FOXP1: variants seen among roughly 807,000 people sequenced by gnomAD.
FOXP1 encodes the protein forkhead box P1.
In FOXP1, 15 loss-of-function variants were observed where a neutral mutation model predicts 98.2. The ratio of observed to expected loss-of-function variants is 0.15; its 90% CI spans 0.10 to 0.24. The LOEUF (loss-of-function observed/expected upper bound fraction) is 0.24, where lower values mean the gene tolerates loss of function less well. Ranked by LOEUF, FOXP1 falls within the 10% of genes least tolerant of loss-of-function variation. The probability of loss-of-function intolerance (pLI) is 1.00; values close to 1 mark genes in which losing one functional copy is unlikely to be tolerated. For synonymous variants in FOXP1, 371 were observed against 314.5 expected (o/e 1.18, Z -1.90); for missense variants, 633 against 848.5 (o/e 0.75, Z 3.15).
intron 3 of FOXP1, among the ~76,000 whole-genome samples, chr3:71,471,846 G>A (rs1287380840): frequency 1.3e-5 from 2 of 152,122 alleles, no homozygotes; most frequent in African/African-American, 4.8e-5. Context: ...TCCATGTTCT[G>A]ATGATTCAAA....
chr3:71,054,634 A>T (rs189874456), intron 7 of FOXP1, among the ~76,000 whole-genome samples: 31 of 152,356 alleles, frequency 2.0e-4, no homozygotes, highest in African/African-American at 5.5e-4. Flanking sequence ...AATGTAATTT[A>T]GCTATTCAAA....
At position 71,016,606 on chromosome 3, in the gene FOXP1, C is replaced by G. The variant is rs189428333; in HGVS notation, c.870-953G>C. Reference sequence around the variant, plus strand: ...AAGGGCTATTTTGCAACTTACTCGACTGTCTCTGCCTGACTTTGAACTTCA... The same window carrying G: ...AAGGGCTATTTTGCAACTTACTCGAGTGTCTCTGCCTGACTTTGAACTTCA... On this transcript the variant is annotated intron_variant, in intron 11 of 20. Transcript: ENST00000649528. 5.9e-5 allele frequency among the ~76,000 whole-genome samples: 9 copies of G among 151,840 alleles called. No individual in the cohort carries two copies. The East Asian group carries it at 1.5e-3, about 26-fold the overall frequency.
At chr3:71,178,486 A>C (rs1306890571) in intron 6 of FOXP1, among the ~76,000 whole-genome samples, 1 of 152,148 alleles carries the variant, frequency 6.6e-6, no homozygotes, top group Non-Finnish European at 1.5e-5. Context: ...TGGCTCACTC[A>C]TGCCTGTAAT....
At chr3:71,052,136 G>A (rs1421654279) in intron 9 of FOXP1, among the ~76,000 whole-genome samples, 2 of 151,830 alleles carry the variant, frequency 1.3e-5, no homozygotes, top group African/African-American at 4.8e-5. Flanking sequence ...AATGGAAAAG[G>A]CCATCACCAC....
Position 71,276,683 on chromosome 3 carries a change from A to C in FOXP1, c.-12+23137T>G, listed in dbSNP as rs78652220. 6.6e-4 allele frequency among the ~76,000 whole-genome samples: 100 copies of C among 152,332 alleles called. 1 individual carries two copies. The East Asian group carries it at 0.018, about 27-fold the overall frequency. On this transcript the variant is annotated intron_variant, in intron 5 of 20. Coordinates refer to ENST00000649528, the MANE Select transcript of FOXP1 (RefSeq NM_001349338.3). ...GCATAGATACAGTGTTTCAGTACAC[A>C]TAATGCACAGTGACCACGTAAGAGC...
At chr3:71,095,239 A>C (rs1322727612) in intron 7 of FOXP1, among the ~76,000 whole-genome samples, 1 of 152,218 alleles carries the variant, frequency 6.6e-6, no homozygotes. Flanking sequence ...TCCAATTGGT[A>C]AATTGTGTTA....
chr3:71,050,339 C>A (rs1278501963), intron 9 of FOXP1, among the ~76,000 whole-genome samples: 2 of 152,126 alleles, frequency 1.3e-5, no homozygotes, highest in Non-Finnish European at 2.9e-5. Flanking sequence ...CAAACTATGT[C>A]TCACAGACCA....
intron 7 of FOXP1, among the ~76,000 whole-genome samples, chr3:71,111,309 T>C (rs1050921139): frequency 6.6e-6 from 1 of 152,198 alleles, no homozygotes; most frequent in Non-Finnish European, 1.5e-5. Flanking sequence ...AAGTGCCCTC[T>C]CTTAAACGTG....
chr3:70,976,212 G>T (rs2037484127), intron 17 of FOXP1, among the ~76,000 whole-genome samples: 1 of 151,760 alleles, frequency 6.6e-6, no homozygotes, highest in Non-Finnish European at 1.5e-5. Flanking sequence ...CACCATGCCT[G>T]GCTAATTCAT....
chr3:71,013,603 G>C (rs545369809), intron 12 of FOXP1, among the ~76,000 whole-genome samples: 28 of 152,032 alleles, frequency 1.8e-4, no homozygotes, highest in East Asian at 3.9e-4. Flanking sequence ...CAATGCCATC[G>C]CCATCAAGCT....
At chr3:71,452,159 T>G (rs973114759) in intron 3 of FOXP1, among the ~76,000 whole-genome samples, 1 of 152,166 alleles carries the variant, frequency 6.6e-6, no homozygotes, top group African/African-American at 2.4e-5. Context: ...GGTGAATGTA[T>G]ATCCATTTCT....
At chr3:71,275,009 C>T (rs1416410550) in intron 5 of FOXP1, among the ~76,000 whole-genome samples, 1 of 152,176 alleles carries the variant, frequency 6.6e-6, no homozygotes, top group Non-Finnish European at 1.5e-5. Flanking sequence ...AATTCCACAG[C>T]CCCTGGCAAC....
intron 3 of FOXP1, among the ~76,000 whole-genome samples, chr3:71,364,876 C>A (rs62245969): frequency 3.5e-3 from 528 of 152,298 alleles, no homozygotes; most frequent in Non-Finnish European, 5.7e-3. Context: ...ACATCCTTAA[C>A]GTGATAGCTG....
At chr3:71,515,407 T>A (rs2042492032) in intron 2 of FOXP1, among the ~76,000 whole-genome samples, 1 of 138,162 alleles carries the variant, frequency 7.2e-6, no homozygotes, top group Non-Finnish European at 1.5e-5. Context: ...GGTATACGCA[T>A]TTCCCTTTGA....
intron 6 of FOXP1, among the ~76,000 whole-genome samples, chr3:71,124,224 T>C (rs186287280): frequency 6.6e-6 from 1 of 152,084 alleles, no homozygotes; most frequent in East Asian, 1.9e-4. Context: ...TCATTTCTAT[T>C]TGTGTGTACC....
chr3:71,185,641 T>A (rs1369306625), intron 6 of FOXP1, among the ~76,000 whole-genome samples: 1 of 152,188 alleles, frequency 6.6e-6, no homozygotes. Context: ...GATGCTACAG[T>A]ATGGTATAAG....
intron 5 of FOXP1, among the ~76,000 whole-genome samples, chr3:71,221,139 T>C (rs999993586): frequency 2.0e-5 from 3 of 152,168 alleles, no homozygotes; most frequent in African/African-American, 7.2e-5. Flanking sequence ...CATCACCGCC[T>C]GAGCTCCGCC....
intron 7 of FOXP1, among the ~76,000 whole-genome samples, chr3:71,077,634 T>C (rs540644461): frequency 6.6e-6 from 1 of 152,334 alleles, no homozygotes; most frequent in East Asian, 1.9e-4. Flanking sequence ...TGCTAGTCAC[T>C]TCATCATTCC....
At chr3:71,356,565 G>A (rs574085369) in intron 4 of FOXP1, among the ~76,000 whole-genome samples, 9 of 152,278 alleles carry the variant, frequency 5.9e-5, no homozygotes, top group South Asian at 2.1e-4. Context: ...ACCAGGATCC[G>A]TGCTAAGCTC....
Sources: allele counts gnomAD v4.1 joint callset (sites outside exome capture counted in the v4.1 genomes callset), GRCh38; gene constraint gnomAD v4.1.1; transcripts MANE v1.5; gene names NCBI Gene and HGNC (gene_info 2026-07-23, HGNC 2026-07-21).